The following DLGAP2 variants were observed in gnomAD, a reference collection of about 807,000 sequenced individuals.
The protein encoded by DLGAP2 is disks large-associated protein 2.
Under a neutral mutation model 100.3 loss-of-function variants are expected in DLGAP2, and 26 were observed. The ratio of observed to expected loss-of-function variants is 0.26; its 90% confidence interval spans 0.19 to 0.36. The LOEUF (loss-of-function observed/expected upper bound fraction) is 0.36, where lower values mean the gene tolerates loss of function less well. DLGAP2 is among the 10% of genes least tolerant of loss of function. The pLI is 1.00. For synonymous variants in DLGAP2, 886 were observed against 630.1 expected, an observed-to-expected ratio of 1.41 and a Z score of -6.08; for missense variants, 1,858 against 1,453.2, an observed-to-expected ratio of 1.28 and a Z score of -4.53.
At chr8:839,960 A>T (rs535564640) in intron 1 of DLGAP2, among the ~76,000 whole-genome samples, 1 of 150,844 alleles carries the variant, frequency 6.6e-6, no homozygotes, top group South Asian at 2.1e-4. Context: ...GTCTCCGTAC[A>T]CTCTGGATTG....
At chr8:1,087,362 A>C (rs534162165) in intron 2 of DLGAP2, among the ~76,000 whole-genome samples, 1 of 152,222 alleles carries the variant, frequency 6.6e-6, no homozygotes, top group East Asian at 1.9e-4. Flanking sequence ...AAGTCTTTTC[A>C]TTCTTTGCCT....
intron 8 of DLGAP2, among the ~76,000 whole-genome samples, chr8:1,659,708 C>T (rs1024819154): frequency 6.6e-6 from 1 of 152,132 alleles, no homozygotes; most frequent in African/African-American, 2.4e-5. Context: ...AATATTCCTC[C>T]ATCCCTTTAC....
chr8:1,335,032 C>G (rs1801243246), intron 3 of DLGAP2, among the ~76,000 whole-genome samples: 1 of 152,186 alleles, frequency 6.6e-6, no homozygotes, highest in Non-Finnish European at 1.5e-5. Context: ...TAAATCGTAG[C>G]TGTTGCTGCA....
At chr8:1,030,423 A>T (rs1238593436) in intron 2 of DLGAP2, among the ~76,000 whole-genome samples, 1 of 152,202 alleles carries the variant, frequency 6.6e-6, no homozygotes. Flanking sequence ...CAGCTGCAGG[A>T]TACAGAATCC....
chr8:1,317,912 C>T (rs1427760247), intron 3 of DLGAP2, among the ~76,000 whole-genome samples: 2 of 114,370 alleles, frequency 1.7e-5, no homozygotes, highest in Non-Finnish European at 3.5e-5. Flanking sequence ...CAGTGGTCTA[C>T]ACTCGAGACA....
At chr8:1,419,522 G>A (rs4875848) in intron 3 of DLGAP2, among the ~76,000 whole-genome samples, 56,361 of 127,006 alleles carry the variant, frequency 0.44, 16,084 homozygotes, top group East Asian at 0.91. Flanking sequence ...TTGACTGATA[G>A]TAATTGTACA....
chr8:1,692,680 A>C (rs1461329931), intron 13 of DLGAP2, among the ~76,000 whole-genome samples: 2 of 152,120 alleles, frequency 1.3e-5, no homozygotes, highest in Non-Finnish European at 2.9e-5. Context: ...AAATACATAA[A>C]CAACTACAAT....
chr8:1,177,363 C>G (rs1797283208), intron 2 of DLGAP2, among the ~76,000 whole-genome samples: 1 of 152,022 alleles, frequency 6.6e-6, no homozygotes, highest in Admixed American at 6.5e-5. Context: ...ATCAGGTTTA[C>G]CAGATCGAAA....
intron 6 of DLGAP2, among the ~76,000 whole-genome samples, chr8:1,619,385 A>G (rs546497225): frequency 3.3e-5 from 5 of 152,366 alleles, no homozygotes; most frequent in African/African-American, 1.2e-4. Flanking sequence ...ACTGAGTCCT[A>G]CAAGTGAGAC....
chr8:1,321,683 T>G (rs1036218800), intron 3 of DLGAP2, among the ~76,000 whole-genome samples: 2 of 152,230 alleles, frequency 1.3e-5, no homozygotes, highest in Non-Finnish European at 2.9e-5. Context: ...TAAAATCACA[T>G]GCATAGAACT....
intron 3 of DLGAP2, among the ~76,000 whole-genome samples, chr8:1,329,792 T>A (rs1034157398): frequency 6.6e-6 from 1 of 152,220 alleles, no homozygotes; most frequent in Non-Finnish European, 1.5e-5. Context: ...AGCACTGCTG[T>A]GAGCCCTATC....
chr8:1,383,876 G>A lies in DLGAP2; in HGVS notation c.107-117490G>A, dbSNP rs761880717. 1.1e-4 allele frequency among the ~76,000 whole-genome samples: 16 copies of A among 152,254 alleles called. No individual in the cohort carries two copies. The South Asian group carries it at 1.4e-3, about 14-fold the overall frequency. ...CTTCACTCTTCATGGGTGAGAGAGC[G>A]GCAGATGTCTTTGGCGGTGGACTCT... is the stretch of plus-strand genomic sequence containing the variant. On this transcript the variant is annotated intron_variant, in intron 3 of 14. Coordinates refer to ENST00000637795, the MANE Select transcript of DLGAP2 (RefSeq NM_001346810.2).
chr8:1,095,674 G>A (rs995872068), intron 2 of DLGAP2, among the ~76,000 whole-genome samples: 3 of 152,144 alleles, frequency 2.0e-5, no homozygotes, highest in East Asian at 1.9e-4. Context: ...TGTTATTGTC[G>A]GCTTTATCAG....
At chr8:1,097,212 CA>C (rs1804406470) in intron 2 of DLGAP2, among the ~76,000 whole-genome samples, 1 of 132,228 alleles carries the variant, frequency 7.6e-6, no homozygotes. Context: ...GAGCCTAGGG[CA>C]GGCCTTCACC....
At chr8:758,954 C>T (rs1820988657) in intron 1 of DLGAP2, among the ~76,000 whole-genome samples, 1 of 151,332 alleles carries the variant, frequency 6.6e-6, no homozygotes, top group African/African-American at 2.4e-5. Context: ...CAACAGCCTT[C>T]CCATTATCAA....
chr8:1,304,954 T>C (rs1225548085), intron 3 of DLGAP2, among the ~76,000 whole-genome samples: 1 of 152,216 alleles, frequency 6.6e-6, no homozygotes, highest in East Asian at 1.9e-4. Context: ...TATACCCAGC[T>C]GAAGTGAGAC....
chr8:1,437,090 G>C (rs76243543), intron 3 of DLGAP2, among the ~76,000 whole-genome samples: 2 of 151,578 alleles, frequency 1.3e-5, no homozygotes, highest in Non-Finnish European at 2.9e-5. Context: ...GCGCGTAGGG[G>C]TGACGCCATC....
At chr8:1,060,881 C>T (rs945824307) in intron 2 of DLGAP2, among the ~76,000 whole-genome samples, 6 of 152,200 alleles carry the variant, frequency 3.9e-5, no homozygotes, top group African/African-American at 1.2e-4. Flanking sequence ...GTGGGCTCTG[C>T]CCCCTCACAG....
intron 1 of DLGAP2, among the ~76,000 whole-genome samples, chr8:848,826 C>G (rs1797119444): frequency 6.6e-6 from 1 of 151,972 alleles, no homozygotes; most frequent in Non-Finnish European, 1.5e-5. Context: ...AGGGTTTGTT[C>G]CAGTCTAGGA....
Sources: gnomAD v4.1 joint callset for allele counts (sites outside exome capture counted in the v4.1 genomes callset) on GRCh38, gnomAD v4.1.1 for gene constraint, MANE v1.5 for transcripts, NCBI Gene and HGNC (gene_info 2026-07-23, HGNC 2026-07-21) for gene names.